Variants in ZYG11B observed in about 807,000 individuals in gnomAD.
ZYG11B encodes protein zyg-11 homolog B.
In ZYG11B, 36 loss-of-function variants were observed where a neutral mutation model predicts 82.4. The ratio of observed to expected loss-of-function variants is 0.44; its 90% confidence interval spans 0.33 to 0.58. The LOEUF is 0.58. Ranked by LOEUF, ZYG11B falls within the 20% of genes least tolerant of loss-of-function variation. The pLI is 0.02. For missense variants in ZYG11B, 552 were observed against 895.6 expected, an observed-to-expected ratio of 0.62 and a Z score of 4.90; for synonymous variants, 303 against 312.8, an observed-to-expected ratio of 0.97 and a Z score of 0.33.
chr1:52,770,539 T>G (rs1571765098), intron 2 of ZYG11B, among the ~76,000 whole-genome samples: 1 of 152,098 alleles, frequency 6.6e-6, no homozygotes, highest in East Asian at 1.9e-4. Context: ...TGCTTCATGG[T>G]CACCCTAGGG....
intron 2 of ZYG11B, among the ~76,000 whole-genome samples, chr1:52,761,598 A>G (rs1558124698): frequency 6.6e-6 from 1 of 152,236 alleles, no homozygotes; most frequent in Non-Finnish European, 1.5e-5. Context: ...TATTGGACAC[A>G]TAGATTGATT....
intron 1 of ZYG11B, among the ~76,000 whole-genome samples, chr1:52,728,765 T>C (rs960843680): frequency 5.9e-5 from 9 of 152,122 alleles, no homozygotes; most frequent in African/African-American, 2.2e-4. Context: ...GAGCTGGGCC[T>C]GAAAGTTGAA....
chr1:52,769,908 G>A (rs954881642), intron 2 of ZYG11B, among the ~76,000 whole-genome samples: 3 of 151,866 alleles, frequency 2.0e-5, no homozygotes, highest in African/African-American at 7.3e-5. Context: ...AGTCAATGTT[G>A]TTTAGTTGAT....
chr1:52,800,209 A>G (rs79890163), intron 8 of ZYG11B, among the ~76,000 whole-genome samples: 16,246 of 151,472 alleles, frequency 0.11, 1,944 homozygotes, highest in East Asian at 0.35. Context: ...TTGGGAGTTC[A>G]AGTCTACAGC....
intron 10 of ZYG11B, among the ~76,000 whole-genome samples, chr1:52,806,640 T>G (rs1645143851): frequency 6.6e-6 from 1 of 152,220 alleles, no homozygotes; most frequent in Non-Finnish European, 1.5e-5. Context: ...TGTACTTTCT[T>G]TTGACTAGTG....
At chr1:52,726,958 T>A (rs1052563614) in intron 1 of ZYG11B, among the ~76,000 whole-genome samples, 2 of 152,132 alleles carry the variant, frequency 1.3e-5, no homozygotes, top group African/African-American at 4.8e-5. Context: ...TCGCATTCCC[T>A]TTGTCGCCCA....
At chr1:52,772,563 G>A in intron 3 of ZYG11B, 2 of 1,606,842 alleles carry the variant, frequency 1.2e-6, no homozygotes, top group Non-Finnish European at 8.5e-7. Flanking sequence ...GTCGTCAGAT[G>A]TCAACTTCAA....
At chr1:52,753,068 G>A (rs1644539797) in intron 1 of ZYG11B, among the ~76,000 whole-genome samples, 1 of 152,062 alleles carries the variant, frequency 6.6e-6, no homozygotes. Flanking sequence ...GGCTGGTCTT[G>A]AACACCTGAC....
intron 1 of ZYG11B, among the ~76,000 whole-genome samples, chr1:52,727,201 C>T (rs1030481688): frequency 1.3e-5 from 2 of 152,050 alleles, no homozygotes; most frequent in Non-Finnish European, 2.9e-5. Context: ...TGTCCTCGCT[C>T]GGTTCGCCGT....
At chr1:52,803,267 C>T (rs58750688) in intron 10 of ZYG11B, among the ~76,000 whole-genome samples, 1,189 of 78,520 alleles carry the variant, frequency 0.015, 103 homozygotes, top group African/African-American at 0.053. Context: ...TATATATATA[C>T]ACACACACAC....
chr1:52,782,157 C>T (rs1338698367), intron 4 of ZYG11B, among the ~76,000 whole-genome samples: 1 of 150,586 alleles, frequency 6.6e-6, no homozygotes, highest in Non-Finnish European at 1.5e-5. Context: ...CCTCGACCTC[C>T]CTCCTGGGCT....
intron 8 of ZYG11B, among the ~76,000 whole-genome samples, 195 bp downstream of exon 8, chr1:52,796,979 T>TAATTATATATTATATATAATATATATAA (rs1260849046): frequency 1.5e-5 from 1 of 67,422 alleles, no homozygotes; most frequent in African/African-American, 7.3e-5. Context: ...TATATATAAA[T>TAATTATATATTATATATAATATATATAA]ATATATATTT....
chr1:52,805,335 G>A (rs1645133413), intron 10 of ZYG11B: 1 of 356,850 alleles, frequency 2.8e-6, no homozygotes, highest in African/African-American at 2.1e-5. Flanking sequence ...TTTTAGGAAA[G>A]CTGAGGACTG....
chr1:52,802,103 T>G lies in ZYG11B; in HGVS notation c.1659T>G (p.Thr553=). ...TTTTCTTTTTACAGTCTTTCCCAAC[T>G]GAGTCATCCATTCAGCAGAAAGTTC... ...LFMRVLESFP[T]ESSIQQKVLG... The change falls in exon 10 of 14, where the codon ACT becomes ACG. Residue 553 remains threonine, a synonymous_variant. Coordinates refer to ENST00000294353, the MANE Select transcript of ZYG11B (RefSeq NM_024646.3). 2 of 1,611,030 alleles carry G rather than the reference T, an allele frequency of 1.2e-6. No individual in the cohort carries two copies. The highest frequency in any genetic ancestry group is 2.2e-5 in the South Asian group (2 of 89,682).
chr1:52,768,306 CT>C (rs987178529), intron 2 of ZYG11B, among the ~76,000 whole-genome samples: 14 of 152,150 alleles, frequency 9.2e-5, no homozygotes, highest in Non-Finnish European at 1.9e-4. Context: ...AAACCAGGAA[CT>C]TTTCTGCGTT....
intron 3 of ZYG11B, among the ~76,000 whole-genome samples, chr1:52,773,918 C>T (rs1404017266): frequency 3.3e-5 from 5 of 151,600 alleles, no homozygotes; most frequent in Non-Finnish European, 7.4e-5. Flanking sequence ...GCTAGGATTA[C>T]AGGAGTGAGC....
chr1:52,821,391 A>G (rs777760131), intron 13 of ZYG11B, 48 bp from the exon 14 acceptor site: 1 of 1,508,786 alleles, frequency 6.6e-7, no homozygotes, highest in Non-Finnish European at 8.9e-7. Context: ...AAGTGTTTTA[A>G]GAAAAGCTAT....
chr1:52,744,570 C>T (rs1179199820), intron 1 of ZYG11B, among the ~76,000 whole-genome samples: 6 of 152,188 alleles, frequency 3.9e-5, no homozygotes, highest in Admixed American at 6.5e-5. Context: ...GGGCTGGGTA[C>T]GCTAGCTCAC....
At chr1:52,778,385 G>A (rs1243943276) in intron 3 of ZYG11B, among the ~76,000 whole-genome samples, 2 of 151,908 alleles carry the variant, frequency 1.3e-5, no homozygotes, top group African/African-American at 2.4e-5. Context: ...CTCAGCCTCC[G>A]AAAGTGCTGG....
Sources: allele counts gnomAD v4.1 joint callset (sites outside exome capture counted in the v4.1 genomes callset), GRCh38; gene constraint gnomAD v4.1.1; transcripts MANE v1.5; gene names NCBI Gene and HGNC (gene_info 2026-07-23, HGNC 2026-07-21).